The following RANBP17 variants were observed in gnomAD, a reference collection of about 807,000 sequenced individuals.
RANBP17 encodes the protein RAN binding protein 17.
Under a neutral mutation model 141.2 loss-of-function variants are expected in RANBP17, and 158 were observed. The observed-to-expected ratio is 1.12, with a 90% CI of 0.98 to 1.28. RANBP17 has a LOEUF of 1.28. Among genes scored for constraint, RANBP17 ranks in the 50% most tolerant of loss-of-function variants. The pLI, the probability that RANBP17 is intolerant of heterozygous loss-of-function variation, is 0.00. For synonymous variants in RANBP17, 430 were observed against 450.0 expected, an observed-to-expected ratio of 0.96 and a Z score of 0.56; for missense variants, 1,438 against 1,290.7, an observed-to-expected ratio of 1.11 and a Z score of -1.75.
chr5:171,028,763 A>G, intron 14 of RANBP17: 1 of 443,724 alleles, frequency 2.3e-6, no homozygotes, highest in East Asian at 7.0e-5. Context: ...GAGAAGAGCT[A>G]GTAGCTAATG....
intron 14 of RANBP17, among the ~76,000 whole-genome samples, chr5:171,108,233 G>A (rs551438774): frequency 6.6e-6 from 1 of 152,130 alleles, no homozygotes; most frequent in East Asian, 1.9e-4. Flanking sequence ...CTTGAGGTGG[G>A]GGAGGGTCTT....
At chr5:170,946,521 G>A (rs558664221) in intron 12 of RANBP17, among the ~76,000 whole-genome samples, 2 of 152,238 alleles carry the variant, frequency 1.3e-5, no homozygotes, top group East Asian at 1.9e-4. Context: ...TCATTGTTTG[G>A]TAGTTATGTT....
At chr5:171,174,578 T>A (rs1472404301) in intron 16 of RANBP17, among the ~76,000 whole-genome samples, 1 of 152,166 alleles carries the variant, frequency 6.6e-6, no homozygotes, top group Non-Finnish European at 1.5e-5. Context: ...TTTATTCTTT[T>A]GAAAGATAAT....
chr5:171,104,563 G>C (rs939488815), intron 14 of RANBP17, among the ~76,000 whole-genome samples: 12 of 152,162 alleles, frequency 7.9e-5, no homozygotes, highest in Non-Finnish European at 1.5e-4. Context: ...CCACAGAACA[G>C]AAATGACCTG....
intron 14 of RANBP17, among the ~76,000 whole-genome samples, chr5:171,159,240 A>G (rs1759121581): frequency 1.3e-5 from 2 of 152,196 alleles, no homozygotes; most frequent in Non-Finnish European, 2.9e-5. Flanking sequence ...GTATGTATTT[A>G]GGCATGAGTC....
intron 25 of RANBP17, among the ~76,000 whole-genome samples, chr5:171,284,111 T>G (rs1005086157): frequency 3.0e-4 from 46 of 152,218 alleles, no homozygotes; most frequent in Non-Finnish European, 6.2e-4. Context: ...TAGAGTTTAC[T>G]TTCTCACTGA....
intron 14 of RANBP17, among the ~76,000 whole-genome samples, chr5:170,994,005 A>C (rs1183667734): frequency 6.6e-6 from 1 of 152,102 alleles, no homozygotes; most frequent in Non-Finnish European, 1.5e-5. Context: ...CCTACCTTAA[A>C]CGATCCTTAG....
intron 5 of RANBP17, among the ~76,000 whole-genome samples, chr5:170,909,182 C>T (rs1175985336): frequency 6.6e-6 from 1 of 151,810 alleles, no homozygotes; most frequent in African/African-American, 2.4e-5. Context: ...TTTATAATTT[C>T]TGCCTTGGTT....
At chr5:171,241,728 G>C in intron 23 of RANBP17, among the ~76,000 whole-genome samples, 1 of 151,998 alleles carries the variant, frequency 6.6e-6, no homozygotes, top group Admixed American at 6.6e-5. Context: ...AAGACAACTG[G>C]TATGGTTCCA....
intron 25 of RANBP17, among the ~76,000 whole-genome samples, chr5:171,283,103 A>ATGTC (rs1767950456): frequency 6.6e-6 from 1 of 152,184 alleles, no homozygotes; most frequent in Non-Finnish European, 1.5e-5. Flanking sequence ...CAACAGATCC[A>ATGTC]AATGTCACCT....
Position 170,862,030 on chromosome 5 carries a change from G to T in RANBP17, c.-4G>T. On this transcript the variant is annotated 5_prime_UTR_variant, in exon 1 of 28. Transcript: ENST00000523189. ...CCGGCTGGCCGGCGCCGCCTCCTGGGAAGATGGCGCTGCACTTCCAGGTCA... is the reference window on the plus strand; with the variant it reads ...CCGGCTGGCCGGCGCCGCCTCCTGGTAAGATGGCGCTGCACTTCCAGGTCA... The T allele has an allele frequency of 6.8e-7, 1 of 1,461,416 alleles. No individual in the cohort carries two copies. The highest frequency in any genetic ancestry group is 9.0e-7 in the Non-Finnish European group (1 of 1,113,544). The allele number at this position is 1,461,416 out of a possible 1,614,324, so 90.5% of individuals were successfully genotyped here.
intron 18 of RANBP17, among the ~76,000 whole-genome samples, chr5:171,185,197 G>C (rs1761150458): frequency 6.6e-6 from 1 of 152,130 alleles, no homozygotes; most frequent in Non-Finnish European, 1.5e-5. Flanking sequence ...ATATTTTATT[G>C]CTAAAAAATT....
intron 16 of RANBP17, among the ~76,000 whole-genome samples, chr5:171,177,880 A>G (rs1414430829): frequency 6.6e-6 from 1 of 152,124 alleles, no homozygotes; most frequent in East Asian, 1.9e-4. Context: ...TAGTTTCAAA[A>G]CTTCATACAG....
chr5:171,221,808 T>G lies in RANBP17; in HGVS notation c.2390T>G (p.Phe797Cys). The change falls in exon 22 of 28, where the codon TTC becomes TGC. Residue 797 changes from phenylalanine (F) to cysteine (C), a missense_variant. Phe to Cys is a radical substitution (Grantham distance 205, BLOSUM62 -2). Coordinates refer to ENST00000523189, the MANE Select transcript of RANBP17 (RefSeq NM_022897.5). ...TCATCTCCTAATGGAATTCTTCTCT[T>G]CAGAGAAGCTAGTAAAATGGTTTGC... is the stretch of plus-strand genomic sequence containing the variant. ...DVSSPNGILL[F>C]REASKMVCTY... 6.2e-7 allele frequency: 1 copy of G among 1,609,236 alleles called. No homozygotes were observed. Among genetic ancestry groups the G allele is most frequent in the East Asian group, 2.2e-5 (1 of 44,782 alleles).
chr5:171,289,599 T>A (rs965479067), intron 25 of RANBP17, among the ~76,000 whole-genome samples: 8 of 151,846 alleles, frequency 5.3e-5, no homozygotes, highest in African/African-American at 1.9e-4. Context: ...ATTAGCCAAG[T>A]ATGGTGGCAC....
intron 14 of RANBP17, among the ~76,000 whole-genome samples, chr5:171,084,051 G>A (rs1300154292): frequency 2.3e-4 from 34 of 149,092 alleles, no homozygotes; most frequent in Admixed American, 1.5e-3. Context: ...ATGCTGGTGC[G>A]CTGCACCCAC....
At chr5:171,131,057 T>G (rs917690283) in intron 14 of RANBP17, among the ~76,000 whole-genome samples, 1 of 152,180 alleles carries the variant, frequency 6.6e-6, no homozygotes, top group Non-Finnish European at 1.5e-5. Flanking sequence ...CAGAATTGGG[T>G]TCACATATGG....
intron 12 of RANBP17, among the ~76,000 whole-genome samples, chr5:170,934,067 C>T (rs1049960727): frequency 6.6e-6 from 1 of 152,128 alleles, no homozygotes; most frequent in Non-Finnish European, 1.5e-5. Flanking sequence ...TTTTAGGTCT[C>T]TCAGGACGTG....
At chr5:170,985,414 G>C (rs1162969024) in intron 14 of RANBP17, among the ~76,000 whole-genome samples, 1 of 152,154 alleles carries the variant, frequency 6.6e-6, no homozygotes, top group African/African-American at 2.4e-5. Context: ...GAATTTGCCT[G>C]AATTCTGTCC....
Sources: allele counts gnomAD v4.1 joint callset (sites outside exome capture counted in the v4.1 genomes callset), GRCh38; gene constraint gnomAD v4.1.1; transcripts MANE v1.5; gene names NCBI Gene and HGNC (gene_info 2026-07-23, HGNC 2026-07-21).